The following SYNE1 variants were observed in gnomAD, a reference collection of about 807,000 sequenced individuals.
SYNE1 encodes spectrin repeat containing nuclear envelope protein 1.
SYNE1 carries 616 observed loss-of-function variants against 1,111.0 expected under a neutral mutation model. That is an observed-to-expected ratio of 0.55 (90% CI 0.52 to 0.59). The LOEUF is 0.59. SYNE1 is among the 20% of genes least tolerant of loss of function. The pLI is 0.00. For missense variants in SYNE1, 10,006 were observed against 10,417.0 expected, an observed-to-expected ratio of 0.96 and a Z score of 1.72; for synonymous variants, 3,855 against 3,825.8, an observed-to-expected ratio of 1.01 and a Z score of -0.28.
chr6:152,537,336 A>G (rs1283411485), intron 4 of SYNE1, among the ~76,000 whole-genome samples: 3 of 152,164 alleles, frequency 2.0e-5, no homozygotes, highest in Non-Finnish European at 2.9e-5. Flanking sequence ...AGTTTTAATG[A>G]TCTAACATTT....
chr6:152,330,112 AT>A lies in SYNE1; in HGVS notation c.14572del (p.Ile4858SerfsTer8), dbSNP rs1398786671. 1.9e-6 allele frequency: 3 copies of A among 1,614,022 alleles called. No homozygotes were observed. The highest frequency in any genetic ancestry group is 1.7e-6 in the Non-Finnish European group (2 of 1,180,040). ...TTTTAACTCCCCTTGCCAGGACTGG[AT>A]CTGATGCCTGGCTTTCTCATAAGCC... ...PLAYEKARHQ[I>X]QSWQGELKLL... On this transcript the variant is annotated frameshift_variant, in exon 78 of 146. Transcript: ENST00000367255. LOFTEE classifies it high-confidence loss of function.
intron 3 of SYNE1, among the ~76,000 whole-genome samples, chr6:152,595,935 A>T (rs1411382707): frequency 1.3e-5 from 2 of 151,964 alleles, no homozygotes; most frequent in South Asian, 2.1e-4. Context: ...TTGTCCTTAC[A>T]TCTGCTTGTA....
At chr6:152,257,009 G>A (rs973012518) in intron 101 of SYNE1, among the ~76,000 whole-genome samples, 2 of 151,842 alleles carry the variant, frequency 1.3e-5, no homozygotes, top group African/African-American at 4.8e-5. Context: ...ACAGATAGGA[G>A]GAATAAGTTC....
intron 3 of SYNE1, among the ~76,000 whole-genome samples, chr6:152,625,206 T>C (rs972407998): frequency 6.6e-6 from 1 of 152,188 alleles, no homozygotes; most frequent in African/African-American, 2.4e-5. Context: ...GGGCACTTGT[T>C]TGGAGGTTCC....
chr6:152,368,187 C>T (rs966756593), intron 61 of SYNE1: 2 of 152,386 alleles, frequency 1.3e-5, no homozygotes, highest in African/African-American at 2.4e-5. Context: ...AAATTAAAGA[C>T]TAAATTATAC....
intron 127 of SYNE1, among the ~76,000 whole-genome samples, chr6:152,195,291 G>A (rs1356726490): frequency 6.6e-6 from 1 of 152,202 alleles, no homozygotes; most frequent in Non-Finnish European, 1.5e-5. Flanking sequence ...GGTCCCTGGT[G>A]TCTTATTTAT....
chr6:152,429,964 G>A lies in SYNE1; in HGVS notation c.4788+148C>T, dbSNP rs1592530067. On this transcript the variant is annotated intron_variant, in intron 36 of 145. Transcript: ENST00000367255. Reference sequence around the variant, plus strand: ...TTACATGTCTTGGATTATATAAAGTGAATACATTAGATCTATATAATTACT... The same window carrying A: ...TTACATGTCTTGGATTATATAAAGTAAATACATTAGATCTATATAATTACT... 4.3e-5 allele frequency: 27 copies of A among 627,946 alleles called. No individual in the cohort carries two copies. The South Asian group carries it at 4.9e-4, about 11-fold the overall frequency. The allele number at this position is 627,946 out of a possible 1,614,324, so 38.9% of individuals were successfully genotyped here. A position where few individuals can be genotyped will look rare whatever the true frequency, so the allele number is the denominator to read the frequency against.
Position 152,133,313 on chromosome 6 carries a change from T to C in SYNE1, c.25964A>G (p.Glu8655Gly). ...LLKEVSRHIK[E>G]LEKLLDVSSS... ...TGACACGTCTAATAACTTCTCCAGT[T>C]CCTTGATATGACGACTGACCTCCTT... Residue 8655 changes from glutamate to glycine, a missense_variant, in exon 143 of 146, where the codon GAA (glutamate) becomes GGA (glycine). Physicochemically the swap from Glu to Gly is moderately conservative, Grantham distance 98 (BLOSUM62 -2). Coordinates refer to ENST00000367255, the MANE Select transcript of SYNE1 (RefSeq NM_182961.4). 6.2e-7 allele frequency: 1 copy of C among 1,614,200 alleles called. No individual in the cohort carries two copies. Among genetic ancestry groups the C allele is most frequent in the South Asian group, 1.1e-5 (1 of 91,088 alleles).
At chr6:152,381,477 C>A in intron 55 of SYNE1, 115 bp from the exon 56 acceptor site, 2 of 977,398 alleles carry the variant, frequency 2.0e-6, no homozygotes, top group Non-Finnish European at 1.6e-6. Context: ...ACAAGTGTGC[C>A]ACAAGGACCC....
At chr6:152,276,030 CTTTT>C (rs749642435) in intron 98 of SYNE1, among the ~76,000 whole-genome samples, 1 of 84,020 alleles carries the variant, frequency 1.2e-5, no homozygotes, top group Non-Finnish European at 2.3e-5. Context: ...TTCTCGACTT[CTTTT>C]TTTTTTTTTT....
Position 152,359,331 on chromosome 6 carries a change from A to G in SYNE1, c.10427T>C (p.Ile3476Thr), listed in dbSNP as rs1434873360. The G allele has an allele frequency of 6.2e-7, 1 of 1,613,926 alleles. No homozygotes were observed. The highest frequency in any genetic ancestry group is 2.2e-5 in the East Asian group (1 of 44,874). ...LQDLQERYRA[I>T]QERAKEAVTK... ...TTGCCGTACCTTGGCCCTCTCTTGG[A>G]TGGCTCTGTATCGTTCCTGTAGATC... is the stretch of plus-strand genomic sequence containing the variant. The change falls in exon 65 of 146, where the codon ATC becomes ACC. Residue 3476 changes from isoleucine to threonine, a missense_variant. Physicochemically the swap from Ile to Thr is moderately conservative, Grantham distance 89. Around this residue, in one of 7 missense-constraint regions of SYNE1, gnomAD observed 4,955 missense variants for 5,017.2 expected, o/e 0.99. Transcript: ENST00000367255.
chr6:152,472,172 G>T, intron 15 of SYNE1, 129 bp downstream of exon 15: 1 of 747,072 alleles, frequency 1.3e-6, no homozygotes, highest in Non-Finnish European at 2.2e-6. Flanking sequence ...TCTTATGGGA[G>T]CCCGCTTTCT....
chr6:152,223,968 A>T (rs1317894776), intron 117 of SYNE1, among the ~76,000 whole-genome samples: 1 of 152,186 alleles, frequency 6.6e-6, no homozygotes, highest in Non-Finnish European at 1.5e-5. Context: ...ATCATTTTAC[A>T]TGGACACAAT....
rs1160056001 is a variant in SYNE1, at chr6:152,197,593, A to G, written c.23145+4231T>C. Among the ~76,000 whole-genome samples, 4 of 152,238 alleles carry G rather than the reference A, an allele frequency of 2.6e-5. No individual in the cohort carries two copies. The South Asian group carries it at 6.2e-4, about 24-fold the overall frequency. On this transcript the variant is annotated intron_variant, in intron 127 of 145. Coordinates refer to ENST00000367255, the MANE Select transcript of SYNE1 (RefSeq NM_182961.4). Reference sequence around the variant, plus strand: ...GACAACATTAGTCTTGTACATCTCCATCTCCATCAGATATCTAGGGTGACT... The same window carrying G: ...GACAACATTAGTCTTGTACATCTCCGTCTCCATCAGATATCTAGGGTGACT...
chr6:152,209,544 G>T (rs1290892759), intron 124 of SYNE1, among the ~76,000 whole-genome samples: 1 of 152,118 alleles, frequency 6.6e-6, no homozygotes, highest in East Asian at 1.9e-4. Flanking sequence ...GAGGTCAGGA[G>T]TTTGAGACCA....
At chr6:152,578,355 G>A (rs1317243050) in intron 3 of SYNE1, among the ~76,000 whole-genome samples, 1 of 152,138 alleles carries the variant, frequency 6.6e-6, no homozygotes, top group African/African-American at 2.4e-5. Context: ...AGCACTTCGG[G>A]AAGCTGAGGT....
chr6:152,207,267 C>T (rs187089877), intron 125 of SYNE1, among the ~76,000 whole-genome samples: 14 of 152,208 alleles, frequency 9.2e-5, no homozygotes, highest in African/African-American at 2.4e-5. Flanking sequence ...TCTGCTGGGA[C>T]CCACAGGGTA....
At chr6:152,306,395 A>T (rs1427865486) in intron 91 of SYNE1, among the ~76,000 whole-genome samples, 2 of 152,008 alleles carry the variant, frequency 1.3e-5, no homozygotes, top group East Asian at 3.9e-4. Flanking sequence ...CTGAGGCAGG[A>T]GAATCGCCTG....
Position 152,278,139 on chromosome 6 carries a change from T to TGGAG in SYNE1, c.18522_18523insCTCC (p.Ser6175LeufsTer12). The stretch of plus-strand genomic sequence containing the variant: ...AGGGCTCTCTGCAGCTCCAGCAGGC[T>TGGAG]CCCCTTGAGCCTTCTCAGCTTTCCA... On this transcript the variant is annotated frameshift_variant, in exon 98 of 146. Coordinates refer to ENST00000367255, the MANE Select transcript of SYNE1 (RefSeq NM_182961.4). LOFTEE classifies it high-confidence loss of function. 6.2e-7 allele frequency: 1 copy of TGGAG among 1,614,092 alleles called. No homozygotes were observed. The highest frequency in any genetic ancestry group is 1.1e-5 in the South Asian group (1 of 91,086).
Sources: allele counts gnomAD v4.1 joint callset (sites outside exome capture counted in the v4.1 genomes callset), GRCh38; gene constraint gnomAD v4.1.1; regional missense constraint gnomAD v4.1.1; transcripts MANE v1.5; gene names NCBI Gene and HGNC (gene_info 2026-07-23, HGNC 2026-07-21).